TNNI3K: variants seen among roughly 807,000 people sequenced by gnomAD.
The protein encoded by TNNI3K is serine/threonine-protein kinase TNNI3K.
TNNI3K carries 140 observed loss-of-function variants against 114.5 expected under a neutral mutation model. The observed-to-expected ratio is 1.22, with a 90% CI of 1.07 to 1.41. The LOEUF is 1.41. Ranked by LOEUF, TNNI3K falls within the 40% of genes most tolerant of loss-of-function variation. The pLI is 0.00. For missense variants in TNNI3K, 1,125 were observed against 1,007.6 expected (o/e 1.12, Z -1.58); for synonymous variants, 347 against 347.5 (o/e 1.00, Z 0.02).
intron 23 of TNNI3K, among the ~76,000 whole-genome samples, chr1:74,522,525 C>T (rs1646447763): frequency 6.6e-6 from 1 of 152,000 alleles, no homozygotes; most frequent in South Asian, 2.1e-4. Context: ...TATAGAAGAC[C>T]TACTCCTGAG....
intron 20 of TNNI3K, among the ~76,000 whole-genome samples, chr1:74,446,072 G>T (rs1480653518): frequency 6.6e-6 from 1 of 151,860 alleles, no homozygotes; most frequent in Non-Finnish European, 1.5e-5. Flanking sequence ...GGATGGCTGG[G>T]TCAAATGGTA....
At chr1:74,460,449 A>G (rs939458923) in intron 20 of TNNI3K, among the ~76,000 whole-genome samples, 5 of 152,234 alleles carry the variant, frequency 3.3e-5, no homozygotes, top group Admixed American at 2.0e-4. Context: ...CTGTTGAGAA[A>G]TAATAGTTGC....
chr1:74,316,864 T>G (rs970362696), intron 5 of TNNI3K, among the ~76,000 whole-genome samples: 1 of 150,776 alleles, frequency 6.6e-6, no homozygotes, highest in Non-Finnish European at 1.5e-5. Context: ...TAATTTTTTT[T>G]TTTTTTTTGT....
In TNNI3K at chr1:74,533,672, A is replaced by G. The variant is rs571369930; in HGVS notation, c.2352-6562A>G. 6.6e-3 allele frequency among the ~76,000 whole-genome samples: 1,000 copies of G among 152,032 alleles called. 4 individuals carry two copies. The highest frequency in any genetic ancestry group is 0.011 in the Non-Finnish European group (717 of 67,974). The stretch of plus-strand genomic sequence containing the variant: ...GACTTGGAACCAACCCAAATGTCCA[A>G]CAATGATAGACTGGATTAAGAAAAT... On this transcript the variant is annotated intron_variant, in intron 23 of 24. Transcript: ENST00000326637.
At chr1:74,309,424 C>T (rs920641469) in intron 5 of TNNI3K, among the ~76,000 whole-genome samples, 12 of 143,494 alleles carry the variant, frequency 8.4e-5, no homozygotes, top group African/African-American at 3.1e-4. Flanking sequence ...CCAAAAAAAT[C>T]AAGGAGGAGT....
intron 5 of TNNI3K, among the ~76,000 whole-genome samples, chr1:74,278,791 G>T (rs1305417292): frequency 6.6e-6 from 1 of 152,086 alleles, no homozygotes; most frequent in Non-Finnish European, 1.5e-5. Context: ...AGACAACCAT[G>T]AATCTACTTT....
chr1:74,353,238 T>A, intron 9 of TNNI3K, 28 bp from the exon 10 acceptor site: 1 of 1,602,988 alleles, frequency 6.2e-7, no homozygotes, highest in Non-Finnish European at 8.5e-7. Context: ...ACCTTCTATC[T>A]TTCTTGTTTT....
At chr1:74,460,112 G>A (rs527915398) in intron 20 of TNNI3K, among the ~76,000 whole-genome samples, 2 of 147,496 alleles carry the variant, frequency 1.4e-5, no homozygotes, top group African/African-American at 5.0e-5. Context: ...GTCTTGCTCT[G>A]TCGCCCAGGC....
intron 21 of TNNI3K, among the ~76,000 whole-genome samples, chr1:74,465,196 C>A (rs1319731755): frequency 7.2e-5 from 11 of 152,196 alleles, no homozygotes; most frequent in African/African-American, 2.7e-4. Context: ...AGGAACTCTT[C>A]AGCCCCCAGC....
intron 5 of TNNI3K, among the ~76,000 whole-genome samples, chr1:74,297,529 G>A (rs1462163730): frequency 6.7e-6 from 1 of 149,932 alleles, no homozygotes; most frequent in African/African-American, 2.4e-5. Context: ...GTGCGTGTGT[G>A]TGTGTGTGTG....
At chr1:74,532,190 A>T (rs6657815) in intron 23 of TNNI3K, among the ~76,000 whole-genome samples, 2 of 152,112 alleles carry the variant, frequency 1.3e-5, no homozygotes, top group South Asian at 2.1e-4. Context: ...AGTTTAGTGC[A>T]TGTGTATCTC....
chr1:74,323,830 CAAAGGAGAACA>C (rs1373502012), intron 5 of TNNI3K, among the ~76,000 whole-genome samples: 16 of 151,940 alleles, frequency 1.1e-4, no homozygotes, highest in Non-Finnish European at 7.4e-5. Flanking sequence ...TTACAGGAAA[CAAAGGAGAACA>C]AAAGGAAACA....
intron 23 of TNNI3K, among the ~76,000 whole-genome samples, chr1:74,516,500 CTG>C (rs1646350082): frequency 6.6e-6 from 1 of 152,110 alleles, no homozygotes; most frequent in Non-Finnish European, 1.5e-5. Flanking sequence ...GTGAGAAAAA[CTG>C]TGAGAAAGAA....
At chr1:74,246,576 C>G (rs1255736676) in intron 2 of TNNI3K, among the ~76,000 whole-genome samples, 1 of 151,514 alleles carries the variant, frequency 6.6e-6, no homozygotes, top group Admixed American at 6.6e-5. Context: ...TATAAAACCA[C>G]AAGAAAAAAA....
chr1:74,371,492 A>G (rs72966909), intron 17 of TNNI3K: 6 of 150,186 alleles, frequency 4.0e-5, no homozygotes, highest in South Asian at 2.1e-4. Flanking sequence ...CAACAACTCT[A>G]TGGAAGGGAT....
intron 23 of TNNI3K, among the ~76,000 whole-genome samples, chr1:74,531,955 C>T (rs1409101631): frequency 6.6e-6 from 1 of 152,150 alleles, no homozygotes; most frequent in African/African-American, 2.4e-5. Context: ...CTAAATCATC[C>T]AGAGTACAGG....
intron 16 of TNNI3K, 31 bp from the exon 17 acceptor site, chr1:74,370,257 C>A: frequency 6.5e-7 from 1 of 1,538,238 alleles, no homozygotes; most frequent in Admixed American, 1.9e-5. Flanking sequence ...TTGACCATTT[C>A]ATCTCTGTTA....
At chr1:74,463,341 T>A in intron 20 of TNNI3K, 100 bp from the exon 21 acceptor site, 1 of 1,279,004 alleles carries the variant, frequency 7.8e-7, no homozygotes, top group Non-Finnish European at 1.1e-6. Flanking sequence ...CTGATGTTGC[T>A]CAGATTGATT....
intron 17 of TNNI3K, among the ~76,000 whole-genome samples, chr1:74,391,588 AG>A (rs1177257969): frequency 3.3e-5 from 5 of 152,350 alleles, no homozygotes; most frequent in African/African-American, 4.8e-5. Flanking sequence ...TAGACATTTA[AG>A]AAGAGACCTT....
Sources: allele counts gnomAD v4.1 joint callset (sites outside exome capture counted in the v4.1 genomes callset), GRCh38; gene constraint gnomAD v4.1.1; transcripts MANE v1.5; gene names NCBI Gene and HGNC (gene_info 2026-07-23, HGNC 2026-07-21).